The following PTPRF variants were observed in gnomAD, a reference collection of about 807,000 sequenced individuals.
PTPRF encodes receptor-type tyrosine-protein phosphatase F.
PTPRF carries 59 observed loss-of-function variants against 201.8 expected under a neutral mutation model. The ratio of observed to expected loss-of-function variants is 0.29; its 90% CI spans 0.24 to 0.36. The LOEUF (loss-of-function observed/expected upper bound fraction) is 0.36. Among genes scored for constraint, PTPRF ranks in the 10% least tolerant of loss-of-function variants. PTPRF has a pLI of 1.00. For missense variants in PTPRF, 2,132 were observed against 2,690.5 expected, an observed-to-expected ratio of 0.79 and a Z score of 4.59; for synonymous variants, 1,088 against 1,089.7, an observed-to-expected ratio of 1.00 and a Z score of 0.03.
chr1:43,533,876 C>T (rs564654264), intron 1 of PTPRF, among the ~76,000 whole-genome samples: 9 of 152,288 alleles, frequency 5.9e-5, no homozygotes, highest in African/African-American at 1.9e-4. Context: ...CCGGGGTAGG[C>T]GCTTTCGGCC....
chr1:43,541,556 C>T (rs558437173), intron 2 of PTPRF, among the ~76,000 whole-genome samples: 1 of 152,282 alleles, frequency 6.6e-6, no homozygotes, highest in East Asian at 1.9e-4. Context: ...TCCAAAAGTA[C>T]TCAAGAGCCA....
At chr1:43,545,524 C>T (rs1332928925) in intron 3 of PTPRF, among the ~76,000 whole-genome samples, 2 of 151,992 alleles carry the variant, frequency 1.3e-5, no homozygotes, top group East Asian at 1.9e-4. Flanking sequence ...AGCCAGGGGT[C>T]GGCATGGGAA....
At chr1:43,524,521 T>C (rs1181934524), upstream of PTPRF, among the ~76,000 whole-genome samples, 7 of 151,786 alleles carry the variant, frequency 4.6e-5, no homozygotes, top group South Asian at 1.3e-3. Context: ...ATAAATAAAG[T>C]TGATGGAGAA....
At chr1:43,578,363 A>G (rs1647072181) in intron 6 of PTPRF, among the ~76,000 whole-genome samples, 1 of 152,150 alleles carries the variant, frequency 6.6e-6, no homozygotes, top group Admixed American at 6.5e-5. Context: ...CTCCAGCCTG[A>G]TGAGGGCATG....
At chr1:43,524,435 G>A (rs891669867), upstream of PTPRF, among the ~76,000 whole-genome samples, 29 of 152,144 alleles carry the variant, frequency 1.9e-4, no homozygotes, top group African/African-American at 7.0e-4. Flanking sequence ...CAAGGTGGAA[G>A]CATCATTAGA....
At chr1:43,565,352 G>A (rs1646088546) in intron 5 of PTPRF, among the ~76,000 whole-genome samples, 1 of 152,244 alleles carries the variant, frequency 6.6e-6, no homozygotes, top group Non-Finnish European at 1.5e-5. Flanking sequence ...GAAGGGGACA[G>A]GTCTCCTTGC....
At chr1:43,526,061 G>A (rs1469178177), upstream of PTPRF, among the ~76,000 whole-genome samples, 2 of 151,940 alleles carry the variant, frequency 1.3e-5, no homozygotes, top group African/African-American at 4.8e-5. Flanking sequence ...TAGTGAAGAG[G>A]GTGCAGTGGA....
chr1:43,609,783 T>G (rs1290858047), intron 22 of PTPRF, among the ~76,000 whole-genome samples: 1 of 152,198 alleles, frequency 6.6e-6, no homozygotes, highest in Non-Finnish European at 1.5e-5. Flanking sequence ...GAATATGGGC[T>G]GAGGACCTCC....
intron 22 of PTPRF, chr1:43,612,881 C>A: frequency 8.8e-7 from 1 of 1,141,528 alleles, no homozygotes; most frequent in Non-Finnish European, 1.2e-6. Flanking sequence ...TTTACCCCAT[C>A]GCCTCCATCC....
At chr1:43,565,287 C>T (rs1434410681) in intron 5 of PTPRF, among the ~76,000 whole-genome samples, 3 of 152,182 alleles carry the variant, frequency 2.0e-5, no homozygotes, top group Non-Finnish European at 1.5e-5. Flanking sequence ...CCGACCCTCC[C>T]CTCGCTAGGG....
Position 43,606,319 on chromosome 1 carries a change from C to T in PTPRF, c.3563C>T (p.Ala1188Val). ...RQAERLKPYV[A>V]AQLDVLPETF... ...GCAGAACGTCTGAAGCCATATGTGG[C>T]TGCTCAACTGGATGTGCTCCCGGAG... is the stretch of plus-strand genomic sequence containing the variant. Residue 1188 changes from alanine (A) to valine (V), a missense_variant, in exon 20 of 34, where the codon GCT (alanine) becomes GTT (valine). Physicochemically the swap from Ala to Val is moderately conservative, Grantham distance 64. Transcript: ENST00000359947. The T allele has an allele frequency of 1.2e-6, 2 of 1,614,164 alleles. No individual in the cohort carries two copies. The highest frequency in any genetic ancestry group is 1.7e-6 in the Non-Finnish European group (2 of 1,180,024).
chr1:43,548,611 C>A (rs1644829437), intron 3 of PTPRF, among the ~76,000 whole-genome samples: 1 of 152,166 alleles, frequency 6.6e-6, no homozygotes, highest in Non-Finnish European at 1.5e-5. Flanking sequence ...GGATGAGGTG[C>A]CTGGAACCTA....
At chr1:43,614,335 G>A (rs758714417) in intron 23 of PTPRF, among the ~76,000 whole-genome samples, 17 of 152,320 alleles carry the variant, frequency 1.1e-4, no homozygotes, top group African/African-American at 3.6e-4. Context: ...CACAGCTCAC[G>A]GGGAGTCGGG....
chr1:43,559,111 A>G (rs1487370007), intron 5 of PTPRF, among the ~76,000 whole-genome samples: 5 of 152,210 alleles, frequency 3.3e-5, no homozygotes, highest in African/African-American at 1.2e-4. Flanking sequence ...GATAACGTGC[A>G]CTGTTCGTGT....
intron 1 of PTPRF, among the ~76,000 whole-genome samples, chr1:43,536,209 G>A (rs1450914975): frequency 6.6e-6 from 1 of 152,182 alleles, no homozygotes; most frequent in Non-Finnish European, 1.5e-5. Context: ...CTGTCCCAGT[G>A]TGAGTGTAGA....
At chr1:43,577,194 C>G (rs1204924042) in intron 6 of PTPRF, among the ~76,000 whole-genome samples, 1 of 152,206 alleles carries the variant, frequency 6.6e-6, no homozygotes, top group African/African-American at 2.4e-5. Context: ...CCCACCCACA[C>G]CCCCCTGCCT....
chr1:43,564,309 G>C (rs936350287), intron 5 of PTPRF, among the ~76,000 whole-genome samples: 13 of 152,166 alleles, frequency 8.5e-5, no homozygotes, highest in Admixed American at 8.5e-4. Context: ...AGCTGCTGGA[G>C]GTGGCCTTGG....
rs754009897 is a variant in PTPRF at position 43,619,371 on chromosome 1, A to G, written c.4730A>G (p.Tyr1577Cys). The G allele has an allele frequency of 6.8e-6, 11 of 1,613,916 alleles. No individual in the cohort carries two copies. Among genetic ancestry groups the G allele is most frequent in the South Asian group, 4.4e-5 (4 of 91,092 alleles). Residue 1577 changes from tyrosine (Y) to cysteine (C), a missense_variant, in exon 28 of 34, where the codon TAT becomes TGT. Transcript: ENST00000359947. ...AAGCACGAGAAGACGGTGGACATCT[A>G]TGGCCACGTGACCTGCATGCGATCA... ...RMKHEKTVDI[Y>C]GHVTCMRSQR... is the part of the protein sequence containing the mutation.
chr1:43,606,781 G>A, intron 20 of PTPRF, 33 bp from the exon 21 acceptor site: 1 of 1,606,266 alleles, frequency 6.2e-7, no homozygotes, highest in Non-Finnish European at 8.5e-7. Flanking sequence ...CTCACGCTGA[G>A]CTCACAGCCT....
Sources: allele counts gnomAD v4.1 joint callset (sites outside exome capture counted in the v4.1 genomes callset), GRCh38; gene constraint gnomAD v4.1.1; transcripts MANE v1.5; gene names NCBI Gene and HGNC (gene_info 2026-07-23, HGNC 2026-07-21).